TNIK: variants seen among roughly 807,000 people sequenced by gnomAD.
The protein encoded by TNIK is TRAF2 and NCK-interacting protein kinase.
In TNIK, 49 loss-of-function variants were observed where a neutral mutation model predicts 191.3. That is an observed-to-expected ratio of 0.26 (90% CI 0.20 to 0.32). TNIK has a LOEUF of 0.32. Among genes scored for constraint, TNIK ranks in the 10% least tolerant of loss-of-function variants. The pLI is 1.00. For synonymous variants in TNIK, 594 were observed against 600.9 expected (o/e 0.99, Z 0.17); for missense variants, 1,155 against 1,702.3 (o/e 0.68, Z 5.66).
rs546553397 is a variant in TNIK at position 171,304,337 on chromosome 3, G to A, written c.123+65283C>T. Among the ~76,000 whole-genome samples the A allele has an allele frequency of 1.2e-4, 19 of 152,096 alleles. No homozygotes were observed. In the South Asian group the frequency reaches 1.7e-3, roughly 13 times the overall value. On this transcript the variant is annotated intron_variant, in intron 2 of 32. Transcript: ENST00000436636. ...ACCATCTCACACCAGTTAGAATGGC[G>A]ATCATTAAAAAGTCAGGAAACAACA...
At chr3:171,334,841 A>G (rs1756785028) in intron 2 of TNIK, among the ~76,000 whole-genome samples, 1 of 151,136 alleles carries the variant, frequency 6.6e-6, no homozygotes, top group African/African-American at 2.4e-5. Context: ...AAATTTAAAA[A>G]CTTGAATCCT....
At chr3:171,204,689 C>T (rs933674077) in intron 4 of TNIK, among the ~76,000 whole-genome samples, 7 of 152,156 alleles carry the variant, frequency 4.6e-5, no homozygotes, top group African/African-American at 1.7e-4. Flanking sequence ...GCTAACAGGT[C>T]TTACTTGCTC....
At chr3:171,173,833 T>G (rs1255010428) in intron 9 of TNIK, among the ~76,000 whole-genome samples, 1 of 152,066 alleles carries the variant, frequency 6.6e-6, no homozygotes, top group Admixed American at 6.6e-5. Flanking sequence ...AGCAGGAACC[T>G]AGCAGAGGGC....
At chr3:171,452,187 T>G (rs1421662451) in intron 1 of TNIK, among the ~76,000 whole-genome samples, 1 of 152,106 alleles carries the variant, frequency 6.6e-6, no homozygotes, top group Admixed American at 6.5e-5. Flanking sequence ...AGAACAACAC[T>G]TTAAATTATA....
rs35090763 is a variant in TNIK, at chr3:171,087,499, C to T, written c.2729G>A (p.Gly910Glu). ...ACTGTGGCCAGATCGCTTCTTCTCT[C>T]CAGACGTCTGAGGGAGCACAGCACG... Reference protein sequence around the residue: ...EGTLMIRETSGEKKRSGHSDS... With the variant: ...EGTLMIRETSEEKKRSGHSDS... The change falls in exon 24 of 33, where the codon GGA becomes GAA. Residue 910 changes from glycine to glutamate, a missense_variant. Transcript: ENST00000436636. 108 of 1,613,614 alleles carry T rather than the reference C, an allele frequency of 6.7e-5. 1 individual carries two copies. The South Asian group carries it at 1.1e-3, about 16-fold the overall frequency.
Position 171,328,183 on chromosome 3 carries a change from G to GCCTATTTT in TNIK, c.123+41436_123+41437insAAAATAGG, listed in dbSNP as rs574603212. Among the ~76,000 whole-genome samples the GCCTATTTT allele has an allele frequency of 2.1e-3, 315 of 152,286 alleles. 1 individual carries two copies. Among genetic ancestry groups the GCCTATTTT allele is most frequent in the African/African-American group, 7.4e-3 (306 of 41,570 alleles). Reference sequence around the variant, plus strand: ...TAGTGCACTTATAAAATAGGTCCCAGAGAAGCCATTACCCTTGTGAGGACA... The same window carrying GCCTATTTT: ...TAGTGCACTTATAAAATAGGTCCCAGCCTATTTTAGAAGCCATTACCCTTGTGAGGACA... On this transcript the variant is annotated intron_variant, in intron 2 of 32. Transcript: ENST00000436636.
At chr3:171,313,926 A>G (rs943429558) in intron 2 of TNIK, among the ~76,000 whole-genome samples, 1 of 152,182 alleles carries the variant, frequency 6.6e-6, no homozygotes, top group East Asian at 1.9e-4. Flanking sequence ...GTGATGCTCT[A>G]TAGTCGTTGC....
Position 171,408,217 on chromosome 3 carries a change from A to G in TNIK, c.58-38532T>C, listed in dbSNP as rs1329467590. Among the ~76,000 whole-genome samples the G allele has an allele frequency of 4.0e-5, 6 of 151,470 alleles. No homozygotes were observed. The East Asian group carries it at 1.2e-3, about 29-fold the overall frequency. Reference sequence around the variant, plus strand: ...TGTCTTTATTAAATAAATGAAAAGAAAAAAAGTCCACATAGACAAATAAAA... The same window carrying G: ...TGTCTTTATTAAATAAATGAAAAGAGAAAAAGTCCACATAGACAAATAAAA... On this transcript the variant is annotated intron_variant, in intron 1 of 32. Coordinates refer to ENST00000436636, the MANE Select transcript of TNIK (RefSeq NM_015028.4).
In TNIK at chr3:171,059,267, G is replaced by A. The variant is rs1717621816; in HGVS notation, c.*4614C>T. On this transcript the variant is annotated 3_prime_UTR_variant, in exon 33 of 33. Transcript: ENST00000436636. ...AACATTTGTCATCATGGACTCAGAA[G>A]AATCCAAGATTTTGATCTAGATTTA... 6.6e-6 allele frequency among the ~76,000 whole-genome samples: 1 copy of A among 152,148 alleles called. No individual in the cohort carries two copies. Among genetic ancestry groups the A allele is most frequent in the African/African-American group, 2.4e-5 (1 of 41,436 alleles).
chr3:171,265,893 C>G (rs1207719531), intron 2 of TNIK, among the ~76,000 whole-genome samples: 1 of 151,994 alleles, frequency 6.6e-6, no homozygotes, highest in East Asian at 1.9e-4. Context: ...AAAGAATTAT[C>G]AAATAAGAAT....
chr3:171,321,035 G>A (rs1755118066), intron 2 of TNIK, among the ~76,000 whole-genome samples: 1 of 152,170 alleles, frequency 6.6e-6, no homozygotes, highest in Non-Finnish European at 1.5e-5. Flanking sequence ...TGTGACATCT[G>A]TAACTAGGAT....
At chr3:171,087,637 C>T (rs1721544527) in intron 23 of TNIK, 131 bp from the exon 24 acceptor site, 4 of 1,002,166 alleles carry the variant, frequency 4.0e-6, no homozygotes, top group Non-Finnish European at 5.8e-6. Flanking sequence ...GTGATATTCA[C>T]ATTTCTATTT....
intron 2 of TNIK, among the ~76,000 whole-genome samples, chr3:171,339,824 A>G (rs1577540138): frequency 6.6e-6 from 1 of 152,220 alleles, no homozygotes; most frequent in African/African-American, 2.4e-5. Context: ...GCCTTCTGGC[A>G]GCACCTGCAA....
chr3:171,094,050 T>A, intron 22 of TNIK, 82 bp from the exon 23 acceptor site: 1 of 1,497,084 alleles, frequency 6.7e-7, no homozygotes, highest in Non-Finnish European at 9.0e-7. Flanking sequence ...ATTTTTGTTA[T>A]GGTAAAATAT....
intron 1 of TNIK, among the ~76,000 whole-genome samples, chr3:171,453,519 G>T (rs567513491): frequency 6.6e-6 from 1 of 152,282 alleles, no homozygotes; most frequent in Admixed American, 6.5e-5. Flanking sequence ...CTGAATTGCC[G>T]CTGGTCTTAA....
intron 21 of TNIK, among the ~76,000 whole-genome samples, chr3:171,105,001 TATATTAA>T (rs1413201575): frequency 6.6e-6 from 1 of 151,994 alleles, no homozygotes; most frequent in Non-Finnish European, 1.5e-5. Flanking sequence ...ATTCAAAGAC[TATATTAA>T]ATAGACTATG....
At chr3:171,092,747 T>C (rs1231254433) in intron 23 of TNIK, among the ~76,000 whole-genome samples, 1 of 152,236 alleles carries the variant, frequency 6.6e-6, no homozygotes, top group Non-Finnish European at 1.5e-5. Context: ...TCAAAGGCCT[T>C]ATTCATCTCA....
intron 2 of TNIK, among the ~76,000 whole-genome samples, chr3:171,357,149 T>C (rs1714204189): frequency 6.6e-6 from 1 of 152,210 alleles, no homozygotes; most frequent in Admixed American, 6.5e-5. Context: ...GACACTGTTT[T>C]TACTTATCAG....
intron 1 of TNIK, among the ~76,000 whole-genome samples, chr3:171,422,934 G>T (rs1002834279): frequency 1.3e-5 from 2 of 152,256 alleles, no homozygotes; most frequent in East Asian, 1.9e-4. Flanking sequence ...GAAAATATGT[G>T]ATTCTAATTG....
Sources: allele counts gnomAD v4.1 joint callset (sites outside exome capture counted in the v4.1 genomes callset), GRCh38; gene constraint gnomAD v4.1.1; transcripts MANE v1.5; gene names NCBI Gene and HGNC (gene_info 2026-07-23, HGNC 2026-07-21).